Variants in DACH2 observed in about 807,000 individuals in gnomAD.
DACH2 encodes dachshund homolog 2.
A neutral mutation model predicts 35.8 loss-of-function variants in DACH2; 17 were observed. The ratio of observed to expected loss-of-function variants is 0.48; its 90% CI spans 0.33 to 0.71. The LOEUF (loss-of-function observed/expected upper bound fraction) is 0.71. DACH2 is among the 30% of genes least tolerant of loss of function. The pLI is 0.02. For synonymous variants in DACH2, 195 were observed against 177.3 expected (o/e 1.10, Z -0.79); for missense variants, 469 against 472.7 (o/e 0.99, Z 0.07).
At chrX:86,424,968 T>G (rs2036867500) in intron 2 of DACH2, among the ~76,000 whole-genome samples, 1 of 111,568 alleles carries the variant, frequency 9.0e-6, no homozygotes, top group Non-Finnish European at 1.9e-5. Context: ...TGATACCATG[T>G]ATCACATTAA....
chrX:86,339,032 T>C (rs2035368247), intron 1 of DACH2, among the ~76,000 whole-genome samples: 1 of 111,737 alleles, frequency 8.9e-6, no homozygotes, highest in Non-Finnish European at 1.9e-5. Flanking sequence ...GTCAAATCCC[T>C]GAATAGACCA....
In DACH2 at chrX:86,812,994, C is replaced by T. The variant is rs1456857819; in HGVS notation, c.1379C>T (p.Thr460Ile). Residue 460 changes from threonine to isoleucine, a missense_variant, in exon 8 of 12, where the codon ACC (threonine) becomes ATC (isoleucine). Thr to Ile is a moderately conservative substitution (Grantham distance 89). Transcript: ENST00000373125. ...CTGTCCTCCGTGGAGACTCTGTTGA[C>T]CAACATTCAGGTCAACAATATTTCT... is the stretch of plus-strand genomic sequence containing the variant. ...DSLSSVETLL[T>I]NIQGLLKVAL... The T allele has an allele frequency of 8.4e-7, 1 of 1,195,075 alleles. No individual in the cohort carries two copies. The highest frequency in any genetic ancestry group is 1.8e-5 in the African/African-American group (1 of 56,475).
intron 11 of DACH2, chrX:86,831,859 T>C (rs1238475324): frequency 6.3e-6 from 2 of 317,291 alleles, no homozygotes; most frequent in East Asian, 5.3e-5. Flanking sequence ...TGAAGAGCCT[T>C]TATCAGTCTT....
intron 1 of DACH2, among the ~76,000 whole-genome samples, chrX:86,292,828 G>A (rs2034336923): frequency 9.1e-6 from 1 of 109,926 alleles, no homozygotes; most frequent in South Asian, 3.9e-4. Context: ...CATTTGCTGA[G>A]GAGAGCTTTA....
At chrX:86,725,770 G>T (rs1459711270) in intron 6 of DACH2, among the ~76,000 whole-genome samples, 6 of 111,320 alleles carry the variant, frequency 5.4e-5, no homozygotes, top group African/African-American at 2.0e-4. Context: ...GAAATCAAGT[G>T]GTTCATGCTC....
At chrX:86,265,359 G>A (rs1602336294) in intron 1 of DACH2, among the ~76,000 whole-genome samples, 1 of 111,372 alleles carries the variant, frequency 9.0e-6, no homozygotes, top group Admixed American at 9.6e-5. Flanking sequence ...TAAAAGGCTT[G>A]TTACCACTTT....
At chrX:86,158,802 C>T (rs1045580582) in intron 1 of DACH2, among the ~76,000 whole-genome samples, 1 of 111,331 alleles carries the variant, frequency 9.0e-6, no homozygotes, top group African/African-American at 3.3e-5. Context: ...CCTATATCTG[C>T]CTCATGCATT....
intron 1 of DACH2, among the ~76,000 whole-genome samples, chrX:86,277,627 C>G (rs1413207495): frequency 8.9e-6 from 1 of 112,078 alleles, no homozygotes; most frequent in Admixed American, 9.5e-5. Context: ...CGCATTTGGC[C>G]TAGGAACTGC....
intron 1 of DACH2, among the ~76,000 whole-genome samples, chrX:86,235,320 C>G (rs1289351050): frequency 1.8e-5 from 2 of 112,037 alleles, no homozygotes; most frequent in African/African-American, 6.5e-5. Flanking sequence ...GTCTAGTATT[C>G]CACCATTTTC....
chrX:86,804,727 T>C (rs1206710270), intron 7 of DACH2, among the ~76,000 whole-genome samples: 1 of 99,845 alleles, frequency 1.0e-5, no homozygotes, highest in East Asian at 3.1e-4. Context: ...TGAAAGAAAT[T>C]GTCCAGAAGA....
At chrX:86,270,229 A>G (rs1405122321) in intron 1 of DACH2, among the ~76,000 whole-genome samples, 7 of 109,202 alleles carry the variant, frequency 6.4e-5, no homozygotes, top group African/African-American at 2.3e-4. Context: ...GGATATCAGA[A>G]CCTAGTTCTT....
At chrX:86,289,760 T>C (rs1460727223) in intron 1 of DACH2, among the ~76,000 whole-genome samples, 1 of 109,853 alleles carries the variant, frequency 9.1e-6, no homozygotes, top group African/African-American at 3.3e-5. Context: ...CTCATCATTT[T>C]TTATGGCTGC....
intron 7 of DACH2, among the ~76,000 whole-genome samples, chrX:86,753,938 TAA>T (rs202047286): frequency 6.4e-5 from 6 of 94,154 alleles, no homozygotes; most frequent in African/African-American, 1.2e-4. Flanking sequence ...GAGCTCACAA[TAA>T]AAAAAAAAAA....
At chrX:86,402,476 A>G (rs1177341088) in intron 2 of DACH2, among the ~76,000 whole-genome samples, 1 of 111,616 alleles carries the variant, frequency 9.0e-6, no homozygotes, top group Non-Finnish European at 1.9e-5. Context: ...GTGACCAAGG[A>G]GGTGTAATAT....
At chrX:86,423,049 T>A (rs2036831251) in intron 2 of DACH2, among the ~76,000 whole-genome samples, 1 of 111,992 alleles carries the variant, frequency 8.9e-6, no homozygotes, top group African/African-American at 3.2e-5. Flanking sequence ...ATGTACCACA[T>A]TTTCTATATC....
At chrX:86,786,822 GT>G (rs779946721) in intron 7 of DACH2, among the ~76,000 whole-genome samples, 1 of 111,989 alleles carries the variant, frequency 8.9e-6, no homozygotes, top group African/African-American at 3.2e-5. Context: ...GTTTGGCTGT[GT>G]CCCCACCCAG....
chrX:86,327,025 T>A (rs775033259), intron 1 of DACH2, among the ~76,000 whole-genome samples: 2 of 112,129 alleles, frequency 1.8e-5, no homozygotes, highest in East Asian at 5.6e-4. Context: ...CATAGACACT[T>A]AAATCTGTAT....
At chrX:86,696,451 A>T (rs1460450437) in intron 5 of DACH2, among the ~76,000 whole-genome samples, 1 of 112,373 alleles carries the variant, frequency 8.9e-6, no homozygotes, top group African/African-American at 3.2e-5. Context: ...GGACTGATTA[A>T]AGTAGATTCA....
At chrX:86,291,254 T>G (rs2147998397) in intron 1 of DACH2, among the ~76,000 whole-genome samples, 1 of 106,844 alleles carries the variant, frequency 9.4e-6, no homozygotes, top group East Asian at 3.0e-4. Context: ...AGAATGCTTG[T>G]GATTTTTGTA....
Sources: allele counts gnomAD v4.1 joint callset (sites outside exome capture counted in the v4.1 genomes callset), GRCh38; gene constraint gnomAD v4.1.1; transcripts MANE v1.5; gene names NCBI Gene and HGNC (gene_info 2026-07-23, HGNC 2026-07-21).